The following DIP2C variants were observed in gnomAD, a reference collection of about 807,000 sequenced individuals.
DIP2C encodes DIP2 acetate--CoA ligase C (putative), also known as disco-interacting protein 2 homolog C.
DIP2C carries 33 observed loss-of-function variants against 192.4 expected under a neutral mutation model. That is an observed-to-expected ratio of 0.17 (90% confidence interval 0.13 to 0.23). The LOEUF (loss-of-function observed/expected upper bound fraction) is 0.23. Ranked by LOEUF, DIP2C falls within the 10% of genes least tolerant of loss-of-function variation. The probability of loss-of-function intolerance (pLI) is 1.00; values close to 1 mark genes in which losing one functional copy is unlikely to be tolerated. For missense variants in DIP2C, 1,537 were observed against 2,110.1 expected (o/e 0.73, Z 5.32); for synonymous variants, 979 against 864.1 (o/e 1.13, Z -2.33).
chr10:320,139 T>C (rs1010454792), intron 31 of DIP2C, among the ~76,000 whole-genome samples: 3 of 152,198 alleles, frequency 2.0e-5, no homozygotes, highest in African/African-American at 7.2e-5. Flanking sequence ...GGGGTTCATT[T>C]TGAGAAAATT....
chr10:580,107 ATAGG>A, intron 1 of DIP2C, among the ~76,000 whole-genome samples: 1 of 152,186 alleles, frequency 6.6e-6, no homozygotes, highest in Non-Finnish European at 1.5e-5. Context: ...TTGTATGTAC[ATAGG>A]TATAACATCT....
chr10:296,376 A>C (rs992878935), intron 32 of DIP2C, among the ~76,000 whole-genome samples: 4 of 152,166 alleles, frequency 2.6e-5, no homozygotes, highest in Non-Finnish European at 5.9e-5. Flanking sequence ...ATCATTAAAA[A>C]GTCAGGAAAC....
chr10:413,309 G>A (rs751015208), intron 8 of DIP2C, among the ~76,000 whole-genome samples: 2 of 152,168 alleles, frequency 1.3e-5, no homozygotes, highest in South Asian at 2.1e-4. Context: ...AGGGAAAGGC[G>A]GTTTCTCTGG....
chr10:353,607 G>C (rs1250166870), intron 24 of DIP2C, among the ~76,000 whole-genome samples: 1 of 152,178 alleles, frequency 6.6e-6, no homozygotes, highest in East Asian at 1.9e-4. Flanking sequence ...GGCCAGGCTG[G>C]TCTCAAACTC....
chr10:384,758 C>A, intron 14 of DIP2C, 119 bp from the exon 15 acceptor site: 3 of 966,570 alleles, frequency 3.1e-6, no homozygotes, highest in Non-Finnish European at 4.8e-6. Flanking sequence ...GGGAGCGCTG[C>A]AGACACCATG....
chr10:460,006 T>C (rs986119362), intron 3 of DIP2C, among the ~76,000 whole-genome samples: 5 of 141,168 alleles, frequency 3.5e-5, no homozygotes, highest in African/African-American at 1.3e-4. Context: ...TGAGCTCTAG[T>C]ATCTTCCCAC....
At chr10:658,114 CCCCTGGACCTGCCGCTGGACCTGT>C (rs1856509322) in intron 1 of DIP2C, among the ~76,000 whole-genome samples, 3 of 148,692 alleles carry the variant, frequency 2.0e-5, no homozygotes, top group African/African-American at 5.0e-5. Context: ...CCTGGACCTG[CCCCTGGACCTGCCGCTGGACCTGT>C]CCCTGGACCT....
At chr10:551,686 T>TG (rs370596873) in intron 1 of DIP2C, among the ~76,000 whole-genome samples, 9 of 152,308 alleles carry the variant, frequency 5.9e-5, no homozygotes, top group African/African-American at 1.9e-4. Context: ...TCCCTAGCCC[T>TG]GGCTTGGGAA....
chr10:278,384 C>T (rs763441458), intron 36 of DIP2C, among the ~76,000 whole-genome samples: 34 of 152,348 alleles, frequency 2.2e-4, no homozygotes, highest in Non-Finnish European at 4.1e-4. Flanking sequence ...AGATGAATGC[C>T]GGTGGAGGCT....
intron 1 of DIP2C, among the ~76,000 whole-genome samples, chr10:672,946 G>A (rs1465952656): frequency 6.6e-6 from 1 of 151,940 alleles, no homozygotes; most frequent in Admixed American, 6.5e-5. Flanking sequence ...ATTGTACAGT[G>A]AATACCCATG....
chr10:287,573 C>A (rs955449994), intron 33 of DIP2C, among the ~76,000 whole-genome samples: 2 of 149,976 alleles, frequency 1.3e-5, no homozygotes, highest in African/African-American at 4.9e-5. Flanking sequence ...AGCATTCTAA[C>A]TTGCAGCCAT....
chr10:659,737 A>G (rs1294892898), intron 1 of DIP2C, among the ~76,000 whole-genome samples: 1 of 152,278 alleles, frequency 6.6e-6, no homozygotes, highest in Non-Finnish European at 1.5e-5. Context: ...GCAAGAATGT[A>G]AAACAGGGTT....
At position 433,796 on chromosome 10, in the gene DIP2C, T is replaced by C. The variant is rs143973102; in HGVS notation, c.394+7075A>G. ...GTAGATTTCTTATATAGACAATATA[T>C]AGTTGGGTGCATTTAGACTGACATT... On this transcript the variant is annotated intron_variant, in intron 4 of 36. Coordinates refer to ENST00000280886, the MANE Select transcript of DIP2C (RefSeq NM_014974.3). 2.2e-3 allele frequency among the ~76,000 whole-genome samples: 329 copies of C among 152,334 alleles called. 1 individual carries two copies. Among genetic ancestry groups the C allele is most frequent in the Admixed American group, 4.5e-3 (69 of 15,304 alleles).
chr10:551,385 C>CAAA (rs1182677194), intron 1 of DIP2C, among the ~76,000 whole-genome samples: 2 of 152,228 alleles, frequency 1.3e-5, no homozygotes, highest in African/African-American at 4.8e-5. Context: ...TCCCGCTTAC[C>CAAA]ACAGGTGCCA....
At chr10:308,723 T>C (rs751558290) in intron 32 of DIP2C, among the ~76,000 whole-genome samples, 4 of 152,234 alleles carry the variant, frequency 2.6e-5, no homozygotes, top group African/African-American at 7.2e-5. Context: ...TGAGGGCTCC[T>C]ACGTGGCCAC....
chr10:405,535 T>A (rs1056044016), intron 9 of DIP2C, among the ~76,000 whole-genome samples: 1 of 152,208 alleles, frequency 6.6e-6, no homozygotes, highest in South Asian at 2.1e-4. Context: ...AAGAGAACGT[T>A]GTACTTACAT....
At chr10:482,169 G>T (rs1425120802) in intron 2 of DIP2C, among the ~76,000 whole-genome samples, 1 of 152,202 alleles carries the variant, frequency 6.6e-6, no homozygotes, top group Admixed American at 6.5e-5. Context: ...TTCCTCATGT[G>T]GATGCAGCGG....
intron 1 of DIP2C, among the ~76,000 whole-genome samples, chr10:496,997 G>A (rs1418244556): frequency 6.6e-6 from 1 of 152,152 alleles, no homozygotes; most frequent in East Asian, 1.9e-4. Context: ...GGTGGCGGGT[G>A]CCTGTAGTCC....
intron 1 of DIP2C, among the ~76,000 whole-genome samples, chr10:628,049 C>T (rs979071199): frequency 2.6e-5 from 4 of 152,336 alleles, no homozygotes; most frequent in African/African-American, 7.2e-5. Flanking sequence ...CACTTTAATG[C>T]GGACACTCGA....
Sources: gnomAD v4.1 joint callset for allele counts (sites outside exome capture counted in the v4.1 genomes callset) on GRCh38, gnomAD v4.1.1 for gene constraint, MANE v1.5 for transcripts, NCBI Gene and HGNC (gene_info 2026-07-23, HGNC 2026-07-21) for gene names.